Variants in ARHGAP23 observed in about 807,000 individuals in gnomAD.
The protein encoded by ARHGAP23 is Rho GTPase activating protein 23.
A neutral mutation model predicts 136.3 loss-of-function variants in ARHGAP23; 34 were observed. That is an observed-to-expected ratio of 0.25 (90% confidence interval 0.19 to 0.33). The LOEUF (loss-of-function observed/expected upper bound fraction) is 0.33, where lower values mean the gene tolerates loss of function less well. Among genes scored for constraint, ARHGAP23 ranks in the 10% least tolerant of loss-of-function variants. ARHGAP23 has a pLI of 1.00. For synonymous variants in ARHGAP23, 832 were observed against 920.5 expected (o/e 0.90, Z 1.74); for missense variants, 1,808 against 2,139.0 (o/e 0.85, Z 3.05).
At chr17:38,486,201 C>A in intron 17 of ARHGAP23, 61 bp downstream of exon 17, 10 of 1,356,398 alleles carry the variant, frequency 7.4e-6, no homozygotes, top group Non-Finnish European at 1.0e-5. Context: ...ACCCTGACCA[C>A]TACTTTTGCA....
chr17:38,481,022 G>A (rs2040026391), intron 14 of ARHGAP23, among the ~76,000 whole-genome samples: 1 of 151,938 alleles, frequency 6.6e-6, no homozygotes. Context: ...GTCTCATTCT[G>A]TCACTCAGGC....
intron 1 of ARHGAP23, among the ~76,000 whole-genome samples, chr17:38,449,709 G>C (rs924846111): frequency 2.6e-5 from 4 of 152,184 alleles, no homozygotes; most frequent in Non-Finnish European, 5.9e-5. Context: ...TCATGGGTCT[G>C]CGTTTGGTGG....
chr17:38,453,235 C>CTG (rs1219076969), intron 1 of ARHGAP23, among the ~76,000 whole-genome samples: 1 of 150,870 alleles, frequency 6.6e-6, no homozygotes, highest in African/African-American at 2.4e-5. Context: ...GAAGAGTGTC[C>CTG]TGTGTGTGTG....
At position 38,494,682 on chromosome 17, in the gene ARHGAP23, G is replaced by A. The variant is rs552543823; in HGVS notation, c.3277-3103G>A. ...TGTGCTCTGGGCTATGCCCAAGGAA[G>A]CCCCACAGAAGGACCCACCCCGGCC... On this transcript the variant is annotated intron_variant, in intron 20 of 23. Transcript: ENST00000622683. 9.2e-5 allele frequency among the ~76,000 whole-genome samples: 14 copies of A among 152,366 alleles called. No homozygotes were observed. The South Asian group carries it at 2.5e-3, about 27-fold the overall frequency.
Position 38,482,418 on chromosome 17 carries a change from C to A in ARHGAP23, c.2752-105C>A. The A allele has an allele frequency of 3.4e-6, 4 of 1,181,694 alleles. 1 individual carries two copies. In the South Asian group the frequency reaches 6.4e-5, roughly 19 times the overall value. The allele number at this position is 1,181,694 out of a possible 1,614,324, so 73.2% of individuals were successfully genotyped here. On this transcript the variant is annotated intron_variant, in intron 15 of 23. Coordinates refer to ENST00000622683, the MANE Select transcript of ARHGAP23 (RefSeq NM_001199417.2). ...AGGCAGCAAGGGCCTTTTGTTCCCC[C>A]CAAGGGTTCCTGGCAGCAGCTCTGG...
At chr17:38,447,939 C>T (rs921983083) in intron 1 of ARHGAP23, among the ~76,000 whole-genome samples, 2 of 152,228 alleles carry the variant, frequency 1.3e-5, no homozygotes, top group African/African-American at 4.8e-5. Context: ...AGAGGCTCCT[C>T]TTTAGTTTCC....
In ARHGAP23 at chr17:38,471,974, T is replaced by C. The variant is rs1432577297; in HGVS notation, c.2086T>C (p.Tyr696His). 6.5e-7 allele frequency: 1 copy of C among 1,549,548 alleles called. No homozygotes were observed. Among genetic ancestry groups the C allele is most frequent in the African/African-American group, 1.4e-5 (1 of 72,970 alleles). Reference sequence around the variant, plus strand: ...CGATATCAGGAGAGAAGGCTGGTTGTATTATAAGCAGATTCTCACCAAGAA... The same window carrying C: ...CGATATCAGGAGAGAAGGCTGGTTGCATTATAAGCAGATTCTCACCAAGAA... ...FSDIRREGWL[Y>H]YKQILTKKGK... The change falls in exon 11 of 24, where the codon TAT (tyrosine) becomes CAT (histidine). Residue 696 changes from tyrosine (Y) to histidine (H), a missense_variant. Transcript: ENST00000622683.
intron 1 of ARHGAP23, among the ~76,000 whole-genome samples, 198 bp downstream of exon 1, chr17:38,428,746 GA>G (rs1189816413): frequency 6.6e-6 from 1 of 152,186 alleles, no homozygotes; most frequent in Non-Finnish European, 1.5e-5. Flanking sequence ...GTCCGGGGTA[GA>G]GGGGTGGGAA....
At chr17:38,458,671 C>T (rs1452922262) in intron 2 of ARHGAP23, among the ~76,000 whole-genome samples, 5 of 152,208 alleles carry the variant, frequency 3.3e-5, no homozygotes, top group African/African-American at 1.2e-4. Flanking sequence ...TGGGGTTGCT[C>T]CTCCCCTCTC....
upstream of ARHGAP23, among the ~76,000 whole-genome samples, chr17:38,424,570 T>C (rs2038551817): frequency 6.6e-6 from 1 of 152,038 alleles, no homozygotes; most frequent in African/African-American, 2.4e-5. Flanking sequence ...TTCCTCTCAC[T>C]CTTCACTCTC....
intron 1 of ARHGAP23, among the ~76,000 whole-genome samples, chr17:38,435,652 G>C (rs551812352): frequency 6.6e-6 from 1 of 152,210 alleles, no homozygotes; most frequent in Non-Finnish European, 1.5e-5. Flanking sequence ...ACCCAGGCTG[G>C]GGTGCAATGG....
chr17:38,479,987 G>A, intron 14 of ARHGAP23, 104 bp downstream of exon 14: 1 of 1,464,304 alleles, frequency 6.8e-7, no homozygotes, highest in Non-Finnish European at 9.2e-7. Context: ...ATGTGTGCCT[G>A]ACTGTGTGCC....
At chr17:38,472,671 C>T (rs1431522937) in intron 11 of ARHGAP23, among the ~76,000 whole-genome samples, 22 of 152,180 alleles carry the variant, frequency 1.4e-4, no homozygotes, top group South Asian at 1.2e-3. Context: ...CCCCAGGCTG[C>T]GCTGTGGGCT....
chr17:38,475,511 A>T (rs1419838200), intron 11 of ARHGAP23, among the ~76,000 whole-genome samples: 2 of 152,186 alleles, frequency 1.3e-5, no homozygotes, highest in East Asian at 1.9e-4. Context: ...ACAGCTCAGG[A>T]TCCACACGAT....
Position 38,510,265 on chromosome 17 carries a change from G to A in ARHGAP23, c.3769G>A (p.Asp1257Asn). ...VSGYSTLSTM[D>N]RSVCSGASGR... Reference sequence around the variant, plus strand: ...GGGCTACTCCACCCTGTCCACCATGGACCGCAGCGTGTGCTCGGGCGCTAG... The same window carrying A: ...GGGCTACTCCACCCTGTCCACCATGAACCGCAGCGTGTGCTCGGGCGCTAG... The change falls in exon 24 of 24, where the codon GAC becomes AAC. Residue 1257 changes from aspartate (D) to asparagine (N), a missense_variant. Asp to Asn is a conservative substitution (Grantham distance 23). This residue lies in a region of ARHGAP23 where 506 missense variants were observed against 455.8 expected (regional missense o/e 1.11). Transcript: ENST00000622683. This position sits in a 1 kb window ranked among gnomAD's most constrained non-coding sequence, Gnocchi z 4.6. 2 of 1,308,678 alleles carry A rather than the reference G, an allele frequency of 1.5e-6. No individual in the cohort carries two copies. The highest frequency in any genetic ancestry group is 1.9e-6 in the Non-Finnish European group (2 of 1,029,928). The allele number at this position is 1,308,678 out of a possible 1,614,324, so 81.1% of individuals were successfully genotyped here.
Position 38,510,754 on chromosome 17 carries a change from A to C in ARHGAP23, c.4258A>C (p.Asn1420His), listed in dbSNP as rs1448892004. The change falls in exon 24 of 24, where the codon AAC (asparagine) becomes CAC (histidine). Residue 1420 changes from asparagine (N) to histidine (H), a missense_variant. Transcript: ENST00000622683. This position sits in a 1 kb window ranked among gnomAD's most constrained non-coding sequence, Gnocchi z 4.6. ...VQSPLTDLNF[N>H]EWKELGGGGP... is the part of the protein sequence containing the mutation. ...GAGCCCGCTGACTGACCTCAACTTC[A>C]ACGAGTGGAAGGAGCTGGGCGGAGG... The C allele has an allele frequency of 2.0e-6, 3 of 1,485,714 alleles. No homozygotes were observed. The allele number at this position is 1,485,714 out of a possible 1,614,324, so 92.0% of individuals were successfully genotyped here. A position where few individuals can be genotyped will look rare whatever the true frequency, so the allele number is the denominator to read the frequency against.
At chr17:38,435,719 C>T (rs1253957297) in intron 1 of ARHGAP23, among the ~76,000 whole-genome samples, 1 of 152,214 alleles carries the variant, frequency 6.6e-6, no homozygotes, top group African/African-American at 2.4e-5. Flanking sequence ...CTGCCTCTGC[C>T]TCCCGAGTAG....
chr17:38,479,684 G>T, intron 13 of ARHGAP23, 69 bp from the exon 14 acceptor site: 1 of 1,453,548 alleles, frequency 6.9e-7, no homozygotes. Context: ...AGGGGCGGGA[G>T]GCCAGGGTGG....
At position 38,469,160 on chromosome 17, in the gene ARHGAP23, C is replaced by T. The variant is rs1270238654; in HGVS notation, c.1665C>T (p.Pro555=). The change falls in exon 8 of 24, where the codon CCC becomes CCT. Residue 555 remains proline (P), a synonymous_variant. Transcript: ENST00000622683. ...SIPFIDEPTS[P]SIDLQAKHVP... The stretch of plus-strand genomic sequence containing the variant: ...CATGCATAGATGAGCCCACCAGCCC[C>T]AGCATTGACCTCCAAGCCAAGCACG... The T allele has an allele frequency of 3.9e-6, 6 of 1,550,918 alleles. No homozygotes were observed. Among genetic ancestry groups the T allele is most frequent in the Admixed American group, 2.0e-5 (1 of 50,888 alleles).
Sources: gnomAD v4.1 joint callset for allele counts (sites outside exome capture counted in the v4.1 genomes callset) on GRCh38, gnomAD v4.1.1 for gene constraint, gnomAD v4.1.1 regional missense constraint, Gnocchi (gnomAD v3.1) non-coding constraint, MANE v1.5 for transcripts, NCBI Gene and HGNC (gene_info 2026-07-23, HGNC 2026-07-21) for gene names.